Variants in HS6ST2 observed in about 807,000 individuals in gnomAD.
The protein encoded by HS6ST2 is heparan sulfate 6-O-sulfotransferase 2.
A neutral mutation model predicts 33.0 loss-of-function variants in HS6ST2; 17 were observed. The ratio of observed to expected loss-of-function variants is 0.52; its 90% confidence interval spans 0.35 to 0.77. HS6ST2 has a LOEUF of 0.77. HS6ST2 is among the 30% of genes least tolerant of loss of function. The pLI, the probability that HS6ST2 is intolerant of heterozygous loss-of-function variation, is 0.01. For missense variants in HS6ST2, 519 were observed against 551.7 expected (o/e 0.94, Z 0.59); for synonymous variants, 248 against 237.1 (o/e 1.05, Z -0.42).
chrX:132,822,585 T>C (rs2065471041), intron 2 of HS6ST2, among the ~76,000 whole-genome samples: 3 of 112,091 alleles, frequency 2.7e-5, no homozygotes, highest in Non-Finnish European at 5.6e-5. Flanking sequence ...AGTGTCCTAA[T>C]GAAATATGAG....
intron 2 of HS6ST2, chrX:132,907,618 C>T (rs1301474751): frequency 1.8e-5 from 2 of 111,739 alleles, no homozygotes; most frequent in Non-Finnish European, 3.8e-5. Context: ...ACCTCATACT[C>T]ACCTCACTGG....
At chrX:132,743,574 A>G (rs1302108353) in intron 2 of HS6ST2, among the ~76,000 whole-genome samples, 1 of 111,755 alleles carries the variant, frequency 8.9e-6, no homozygotes, top group African/African-American at 3.3e-5. Flanking sequence ...TACCAAGCCC[A>G]TTGCTAAAGG....
chrX:132,799,531 G>A (rs1024517166), intron 2 of HS6ST2, among the ~76,000 whole-genome samples: 6 of 108,872 alleles, frequency 5.5e-5, no homozygotes, highest in Non-Finnish European at 1.1e-4. Flanking sequence ...ATGCCATCAC[G>A]CCTGCCTAAT....
chrX:132,693,102 C>T (rs928215793), intron 3 of HS6ST2, among the ~76,000 whole-genome samples: 3 of 112,230 alleles, frequency 2.7e-5, no homozygotes, highest in Non-Finnish European at 5.6e-5. Flanking sequence ...ATACCATTTT[C>T]CCTCCCACAT....
intron 2 of HS6ST2, among the ~76,000 whole-genome samples, chrX:132,839,294 A>ATACACATATGTATG (rs1556464689): frequency 0.02 from 908 of 44,538 alleles, 11 homozygotes; most frequent in South Asian, 0.065. Context: ...ATATATATAT[A>ATACACATATGTATG]TATATATATA....
chrX:132,638,795 C>A (rs1438645206), intron 4 of HS6ST2, among the ~76,000 whole-genome samples: 2 of 112,025 alleles, frequency 1.8e-5, no homozygotes, highest in East Asian at 5.7e-4. Flanking sequence ...AAAGATCTAC[C>A]AGACACAAAA....
At chrX:132,875,642 C>T (rs2066102915) in intron 2 of HS6ST2, among the ~76,000 whole-genome samples, 1 of 112,159 alleles carries the variant, frequency 8.9e-6, no homozygotes, top group African/African-American at 3.2e-5. Flanking sequence ...GAAAGCTCCT[C>T]TTGGGGAGCC....
intron 2 of HS6ST2, among the ~76,000 whole-genome samples, chrX:132,838,568 C>T (rs1414793130): frequency 9.0e-6 from 1 of 111,697 alleles, no homozygotes; most frequent in African/African-American, 3.3e-5. Context: ...TTAACTTGGA[C>T]TTGATTTTTT....
intron 2 of HS6ST2, among the ~76,000 whole-genome samples, chrX:132,902,102 A>AT (rs772438138): frequency 0.021 from 2,026 of 95,906 alleles, 35 homozygotes; most frequent in African/African-American, 0.054. Context: ...CATATCACTC[A>AT]TTTTTTTTTT....
chrX:132,866,364 C>T (rs2065981275), intron 2 of HS6ST2, among the ~76,000 whole-genome samples: 3 of 101,115 alleles, frequency 3.0e-5, no homozygotes, highest in Non-Finnish European at 6.0e-5. Context: ...CAGTACCATG[C>T]TGTTTTGGTT....
chrX:132,809,536 G>C (rs1324230397), intron 2 of HS6ST2, among the ~76,000 whole-genome samples: 1 of 111,633 alleles, frequency 9.0e-6, no homozygotes, highest in Non-Finnish European at 1.9e-5. Flanking sequence ...TTACCTGCAG[G>C]CCTCTGATCC....
Position 132,681,097 on chromosome X carries a change from G to A in HS6ST2, c.981-11898C>T, listed in dbSNP as rs549548198. Among the ~76,000 whole-genome samples, 264 of 109,604 alleles carry A rather than the reference G, an allele frequency of 2.4e-3. 8 individuals are homozygous for A. The South Asian group carries it at 0.097, about 40-fold the overall frequency. On this transcript the variant is annotated intron_variant, in intron 3 of 4. Transcript: ENST00000370833. The stretch of plus-strand genomic sequence containing the variant: ...CTTATCTGATTAGCTGTGGTATTTC[G>A]TCAGTCATCCTGTCCTTCATCCCAC...
chrX:132,834,107 GACTCA>G (rs1383814028), intron 2 of HS6ST2, among the ~76,000 whole-genome samples: 1 of 111,132 alleles, frequency 9.0e-6, no homozygotes, highest in Non-Finnish European at 1.9e-5. Context: ...ACATAGGCAG[GACTCA>G]ACTCCATTCT....
intron 2 of HS6ST2, among the ~76,000 whole-genome samples, chrX:132,770,868 A>T (rs1369644364): frequency 8.9e-6 from 1 of 112,165 alleles, no homozygotes; most frequent in Non-Finnish European, 1.9e-5. Flanking sequence ...AATGGAATTA[A>T]TTAATTATAA....
chrX:132,773,034 T>C (rs1278265028), intron 2 of HS6ST2, among the ~76,000 whole-genome samples: 2 of 93,187 alleles, frequency 2.1e-5, no homozygotes, highest in South Asian at 4.5e-4. Flanking sequence ...AGATTATATA[T>C]ATGTTTATAT....
In HS6ST2 at chrX:132,747,504, G is replaced by T. The variant is rs190282011; in HGVS notation, c.948-39010C>A. Among the ~76,000 whole-genome samples the T allele has an allele frequency of 2.5e-3, 283 of 111,355 alleles. 1 individual carries two copies. The highest frequency in any genetic ancestry group is 8.7e-3 in the African/African-American group (268 of 30,659). On this transcript the variant is annotated intron_variant, in intron 2 of 4. Coordinates refer to ENST00000370833, the MANE Select transcript of HS6ST2 (RefSeq NM_001394073.1). Reference sequence around the variant, plus strand: ...CCCTGCCTCTCCAGGAGACTAATCTGCTGCTTGGGACTGCTGAGAGAGACT... The same window carrying T: ...CCCTGCCTCTCCAGGAGACTAATCTTCTGCTTGGGACTGCTGAGAGAGACT...
intron 2 of HS6ST2, among the ~76,000 whole-genome samples, chrX:132,913,828 G>C (rs931638173): frequency 8.9e-6 from 1 of 112,344 alleles, no homozygotes; most frequent in South Asian, 3.8e-4. Context: ...CCAGTCCTAT[G>C]AGGATTGAGG....
At chrX:132,794,574 G>GATTATTATTATTATTATT (rs1556445928) in intron 2 of HS6ST2, among the ~76,000 whole-genome samples, 2 of 99,068 alleles carry the variant, frequency 2.0e-5, no homozygotes, top group South Asian at 4.8e-4. Context: ...TGATGATGAT[G>GATTATTATTATTATTATT]ATTATTATTA....
intron 2 of HS6ST2, among the ~76,000 whole-genome samples, chrX:132,815,289 A>G (rs2148370249): frequency 8.9e-6 from 1 of 112,430 alleles, no homozygotes; most frequent in Admixed American, 9.5e-5. Context: ...CATTTTATGT[A>G]TCGATTATTC....
Sources: gnomAD v4.1 joint callset for allele counts (sites outside exome capture counted in the v4.1 genomes callset) on GRCh38, gnomAD v4.1.1 for gene constraint, MANE v1.5 for transcripts, NCBI Gene and HGNC (gene_info 2026-07-23, HGNC 2026-07-21) for gene names.